The following SEMA4B variants were observed in gnomAD, a reference collection of about 807,000 sequenced individuals.
SEMA4B encodes the protein semaphorin-4B.
In SEMA4B, 55 loss-of-function variants were observed where a neutral mutation model predicts 88.1. The ratio of observed to expected loss-of-function variants is 0.62; its 90% confidence interval spans 0.50 to 0.78. The LOEUF (loss-of-function observed/expected upper bound fraction) is 0.78, where lower values mean the gene tolerates loss of function less well. Ranked by LOEUF, SEMA4B falls within the 30% of genes least tolerant of loss-of-function variation. The pLI is 0.00. For synonymous variants in SEMA4B, 525 were observed against 473.6 expected, an observed-to-expected ratio of 1.11 and a Z score of -1.41; for missense variants, 1,062 against 1,111.9, an observed-to-expected ratio of 0.96 and a Z score of 0.64.
At position 90,225,193 on chromosome 15, in the gene SEMA4B, C is replaced by T; in HGVS notation, c.1405+15C>T. 1 of 1,579,914 alleles carries T rather than the reference C, an allele frequency of 6.3e-7. No individual in the cohort carries two copies. The highest frequency in any genetic ancestry group is 1.1e-5 in the South Asian group (1 of 87,702). On this transcript the variant is annotated intron_variant, in intron 10 of 13. Transcript: ENST00000411539. The stretch of plus-strand genomic sequence containing the variant: ...CCTGGGCACTGGTAAGTGTCTGCAG[C>T]CCAGCAGGCTCAGGGGAAGGGGTGC...
chr15:90,195,081 G>C (rs1444787351), intron 1 of SEMA4B, among the ~76,000 whole-genome samples: 1 of 150,368 alleles, frequency 6.7e-6, no homozygotes, highest in Admixed American at 6.6e-5. Context: ...CTTCAATCAA[G>C]GTTCACACGT....
intron 1 of SEMA4B, among the ~76,000 whole-genome samples, chr15:90,186,436 G>A (rs980812410): frequency 6.7e-6 from 1 of 150,058 alleles, no homozygotes; most frequent in Admixed American, 6.7e-5. Flanking sequence ...CCTGGTCAAT[G>A]TGGTGAAACC....
intron 1 of SEMA4B, among the ~76,000 whole-genome samples, chr15:90,216,818 T>C (rs539580124): frequency 6.6e-6 from 1 of 152,142 alleles, no homozygotes; most frequent in African/African-American, 2.4e-5. Flanking sequence ...CACTCCAGCC[T>C]GGGCAACAGA....
intron 1 of SEMA4B, among the ~76,000 whole-genome samples, chr15:90,185,738 C>A (rs7172562): frequency 6.6e-6 from 1 of 151,874 alleles, no homozygotes; most frequent in Non-Finnish European, 1.5e-5. Context: ...AGCATACAAA[C>A]TTTTAAAAAG....
rs1163457123 is a variant in SEMA4B, at chr15:90,201,586, G to A, written c.8G>A (p.Arg3His). The A allele has an allele frequency of 1.3e-6, 2 of 1,500,002 alleles. No homozygotes were observed. The highest frequency in any genetic ancestry group is 8.8e-7 in the Non-Finnish European group (1 of 1,131,870). 92.9% of individuals were successfully genotyped at this position (1,500,002 alleles called of 1,614,324 possible). Reference sequence around the variant, plus strand: ...GTCGCTCCTGCTCTCCGAATGCTGCGCACCGCGATGGGCCTGAGGAGCTGG... The same window carrying A: ...GTCGCTCCTGCTCTCCGAATGCTGCACACCGCGATGGGCCTGAGGAGCTGG... ML[R>H]TAMGLRSWLA... is the part of the protein sequence containing the mutation. The change falls in exon 1 of 14, where the codon CGC becomes CAC. Residue 3 changes from arginine to histidine, a missense_variant. Coordinates refer to ENST00000411539, the MANE Select transcript of SEMA4B (RefSeq NM_198925.4).
chr15:90,211,305 A>T (rs914180126), intron 1 of SEMA4B, among the ~76,000 whole-genome samples: 1 of 152,178 alleles, frequency 6.6e-6, no homozygotes, highest in Non-Finnish European at 1.5e-5. Flanking sequence ...TCGTCTGCCC[A>T]CTTGGGGCTG....
rs1000306011 is a variant in SEMA4B at position 90,229,326 on chromosome 15, G to A, written c.*683G>A. On this transcript the variant is annotated 3_prime_UTR_variant, in exon 14 of 14. Coordinates refer to ENST00000411539, the MANE Select transcript of SEMA4B (RefSeq NM_198925.4). The stretch of plus-strand genomic sequence containing the variant: ...CTGTGGCCACACGAGAGGACAGCGC[G>A]AGCTCAGGAGAGATTTCGTGACAAT... The A allele has an allele frequency of 6.6e-6, 3 of 456,892 alleles. No individual in the cohort carries two copies. Among genetic ancestry groups the A allele is most frequent in the South Asian group, 1.5e-5 (1 of 64,566 alleles). The allele number at this position is 456,892 out of a possible 1,614,324, so 28.3% of individuals were successfully genotyped here.
At chr15:90,210,765 G>T (rs528859099) in intron 1 of SEMA4B, among the ~76,000 whole-genome samples, 1 of 152,280 alleles carries the variant, frequency 6.6e-6, no homozygotes, top group South Asian at 2.1e-4. Flanking sequence ...TCTGGGGTCT[G>T]TCAGCGAGGC....
In SEMA4B at chr15:90,223,560, G is replaced by A; in HGVS notation, c.863G>A (p.Gly288Asp). 6.3e-7 allele frequency: 1 copy of A among 1,583,796 alleles called. No homozygotes were observed. The highest frequency in any genetic ancestry group is 8.6e-7 in the Non-Finnish European group (1 of 1,162,432). Reference protein sequence around the residue: ...IVSRIARICKGDEGGERVLQQ... With the variant: ...IVSRIARICKDDEGGERVLQQ... Reference sequence around the variant, plus strand: ...CAGCCCATCCGACTCTCCCTCCAGGGCGATGAGGGTGGAGAGCGGGTGCTA... The same window carrying A: ...CAGCCCATCCGACTCTCCCTCCAGGACGATGAGGGTGGAGAGCGGGTGCTA... Residue 288 changes from glycine to aspartate, a missense_variant and splice_region_variant, in exon 8 of 14, where the codon GGC becomes GAC. Coordinates refer to ENST00000411539, the MANE Select transcript of SEMA4B (RefSeq NM_198925.4).
At chr15:90,209,098 C>G (rs11073914) in intron 1 of SEMA4B, among the ~76,000 whole-genome samples, 35,725 of 151,948 alleles carry the variant, frequency 0.24, 4,806 homozygotes, top group East Asian at 0.63. Flanking sequence ...TATCTGGGGC[C>G]CCTCTCTGGG....
chr15:90,224,119 A>G, intron 9 of SEMA4B, 131 bp downstream of exon 9: 3 of 809,424 alleles, frequency 3.7e-6, no homozygotes, highest in Non-Finnish European at 5.7e-6. Context: ...CATCTTTAAT[A>G]TGGGGATATA....
intron 3 of SEMA4B, among the ~76,000 whole-genome samples, chr15:90,218,515 C>A (rs1961645477): frequency 6.6e-6 from 1 of 152,190 alleles, no homozygotes; most frequent in South Asian, 2.1e-4. Context: ...AGGCTTGGCA[C>A]AGTGGCTCAC....
chr15:90,214,989 A>G (rs1235403133), intron 1 of SEMA4B: 1 of 1,273,428 alleles, frequency 7.9e-7, no homozygotes, highest in East Asian at 5.8e-5. Context: ...AGTCATCTTC[A>G]CAGCTGCTTG....
chr15:90,195,319 T>C (rs964959872), intron 1 of SEMA4B, among the ~76,000 whole-genome samples: 1 of 152,120 alleles, frequency 6.6e-6, no homozygotes, highest in Non-Finnish European at 1.5e-5. Context: ...CTTGAACTTC[T>C]GGGCTCAAGT....
intron 1 of SEMA4B, chr15:90,206,665 A>G: frequency 1.5e-6 from 1 of 684,382 alleles, no homozygotes; most frequent in Non-Finnish European, 2.7e-6. Flanking sequence ...ATGGCCTAGC[A>G]CATGGAATTC....
Position 90,223,640 on chromosome 15 carries a change from G to C in SEMA4B, c.943G>C (p.Asp315His), listed in dbSNP as rs1050760524. ...KAQLLCSRPD[D>H]GFPFNVLQDV... Reference sequence around the variant, plus strand: ...CCAGCTGCTGTGCTCACGGCCCGACGATGGCTTCCCCTTCAACGTGCTGCA... The same window carrying C: ...CCAGCTGCTGTGCTCACGGCCCGACCATGGCTTCCCCTTCAACGTGCTGCA... Residue 315 changes from aspartate to histidine, a missense_variant, in exon 8 of 14, where the codon GAT becomes CAT. Asp to His is a moderately conservative substitution (Grantham distance 81). Transcript: ENST00000411539. 4 of 1,613,640 alleles carry C rather than the reference G, an allele frequency of 2.5e-6. No homozygotes were observed. The highest frequency in any genetic ancestry group is 3.4e-6 in the Non-Finnish European group (4 of 1,179,822).
chr15:90,195,173 A>G (rs1960463182), intron 1 of SEMA4B, among the ~76,000 whole-genome samples: 1 of 151,700 alleles, frequency 6.6e-6, no homozygotes, highest in African/African-American at 2.4e-5. Flanking sequence ...GGCTCCCTGC[A>G]GCTTTGACCT....
rs538199438 is a variant in SEMA4B, at chr15:90,221,777, G to A, written c.861+12G>A. The A allele has an allele frequency of 4.9e-5, 79 of 1,612,344 alleles. No homozygotes were observed. Among genetic ancestry groups the A allele is most frequent in the South Asian group, 4.1e-4 (37 of 90,882 alleles). On this transcript the variant is annotated intron_variant, in intron 7 of 13. Coordinates refer to ENST00000411539, the MANE Select transcript of SEMA4B (RefSeq NM_198925.4). ...CCCGCATCTGCAAGGTGAGGGGAAC[G>A]GGCTGACAGGGTGGCCACCCCAGGG... is the stretch of plus-strand genomic sequence containing the variant.
chr15:90,202,956 CT>C (rs1960816052), intron 1 of SEMA4B, among the ~76,000 whole-genome samples: 1 of 152,184 alleles, frequency 6.6e-6, no homozygotes, highest in Non-Finnish European at 1.5e-5. Context: ...TGCAGATGAC[CT>C]GGGTTCAAAT....
Sources: gnomAD v4.1 joint callset for allele counts (sites outside exome capture counted in the v4.1 genomes callset) on GRCh38, gnomAD v4.1.1 for gene constraint, MANE v1.5 for transcripts, NCBI Gene and HGNC (gene_info 2026-07-23, HGNC 2026-07-21) for gene names.